Variants in AUTS2 observed in about 807,000 individuals in gnomAD.
AUTS2 encodes the protein activator of transcription and developmental regulator AUTS2.
Under a neutral mutation model 112.4 loss-of-function variants are expected in AUTS2, and 17 were observed. The ratio of observed to expected loss-of-function variants is 0.15; its 90% CI spans 0.10 to 0.23. AUTS2 has a LOEUF of 0.23. Among genes scored for constraint, AUTS2 ranks in the 10% least tolerant of loss-of-function variants. The pLI is 1.00. For synonymous variants in AUTS2, 751 were observed against 702.7 expected, an observed-to-expected ratio of 1.07 and a Z score of -1.09; for missense variants, 1,510 against 1,701.6, an observed-to-expected ratio of 0.89 and a Z score of 1.98.
intron 3 of AUTS2, chr7:70,120,423 T>C (rs966917016): frequency 2.8e-4 from 42 of 152,186 alleles, no homozygotes; most frequent in African/African-American, 9.7e-4. Flanking sequence ...TGTGTGTCCA[T>C]GTGTCTGATT....
At chr7:70,592,330 C>T (rs1318437066) in intron 5 of AUTS2, among the ~76,000 whole-genome samples, 1 of 151,994 alleles carries the variant, frequency 6.6e-6, no homozygotes, top group Non-Finnish European at 1.5e-5. Context: ...TTGTGTAATA[C>T]TGCTTTTTTG....
chr7:69,890,392 C>T (rs552350171), intron 1 of AUTS2, among the ~76,000 whole-genome samples: 1 of 152,190 alleles, frequency 6.6e-6, no homozygotes, highest in South Asian at 2.1e-4. Flanking sequence ...TTGACAGGTG[C>T]CTTTTATATG....
chr7:69,978,697 T>G (rs1251512700), intron 2 of AUTS2, among the ~76,000 whole-genome samples: 1 of 151,882 alleles, frequency 6.6e-6, no homozygotes, highest in Non-Finnish European at 1.5e-5. Flanking sequence ...AAATAAAAAT[T>G]TAGCTGGGTG....
chr7:70,062,043 C>T (rs1441187037), intron 2 of AUTS2, among the ~76,000 whole-genome samples: 1 of 152,006 alleles, frequency 6.6e-6, no homozygotes, highest in East Asian at 1.9e-4. Flanking sequence ...CCACCTCGGC[C>T]TCCCAAAGCG....
At chr7:70,624,975 T>C (rs567462809) in intron 5 of AUTS2, among the ~76,000 whole-genome samples, 1 of 152,232 alleles carries the variant, frequency 6.6e-6, no homozygotes, top group South Asian at 2.1e-4. Context: ...GCTCACCAGT[T>C]TCCTCCTCGG....
intron 1 of AUTS2, among the ~76,000 whole-genome samples, chr7:69,750,883 C>T (rs1406025091): frequency 6.6e-6 from 1 of 151,946 alleles, no homozygotes; most frequent in African/African-American, 2.4e-5. Flanking sequence ...GAAATGGAAA[C>T]CCCGTGCTTC....
chr7:70,462,307 G>A (rs1056392628), intron 5 of AUTS2, among the ~76,000 whole-genome samples: 2 of 151,952 alleles, frequency 1.3e-5, no homozygotes, highest in Admixed American at 6.6e-5. Flanking sequence ...GGTTGATTGG[G>A]GTTTTTCTTT....
At chr7:70,291,115 A>G (rs976891889) in intron 4 of AUTS2, 3 of 152,216 alleles carry the variant, frequency 2.0e-5, no homozygotes, top group African/African-American at 7.2e-5. Flanking sequence ...AATTAATTTT[A>G]TAACAGTTGA....
chr7:69,619,564 G>A (rs1004677699), intron 1 of AUTS2, among the ~76,000 whole-genome samples: 1 of 152,180 alleles, frequency 6.6e-6, no homozygotes, highest in East Asian at 1.9e-4. Context: ...AGAATGATCA[G>A]TTCTGTGTGG....
rs114016164 is a variant in AUTS2, at chr7:70,715,353, A to G, written c.742+16733A>G. Reference sequence around the variant, plus strand: ...ATTAGAAAGGTACTGCAAGAACAACATCGTCAAATGAGGTCATACACACTT... The same window carrying G: ...ATTAGAAAGGTACTGCAAGAACAACGTCGTCAAATGAGGTCATACACACTT... On this transcript the variant is annotated intron_variant, in intron 6 of 18. Transcript: ENST00000342771. Among the ~76,000 whole-genome samples, 409 of 152,302 alleles carry G rather than the reference A, an allele frequency of 2.7e-3. 4 individuals are homozygous for G. Among genetic ancestry groups the G allele is most frequent in the African/African-American group, 9.0e-3 (376 of 41,574 alleles).
At chr7:70,285,147 C>T (rs1788400059) in intron 4 of AUTS2, among the ~76,000 whole-genome samples, 1 of 152,022 alleles carries the variant, frequency 6.6e-6, no homozygotes, top group African/African-American at 2.4e-5. Flanking sequence ...CTATGAGCCT[C>T]TCTGCTGTCA....
intron 4 of AUTS2, among the ~76,000 whole-genome samples, chr7:70,398,352 C>T (rs1399559069): frequency 6.6e-6 from 1 of 152,114 alleles, no homozygotes; most frequent in Non-Finnish European, 1.5e-5. Context: ...AGAATTAATA[C>T]CTTATTGAGT....
intron 4 of AUTS2, among the ~76,000 whole-genome samples, chr7:70,367,875 G>C (rs1289389012): frequency 2.0e-5 from 3 of 152,180 alleles, no homozygotes; most frequent in African/African-American, 7.2e-5. Context: ...AGAATGATGA[G>C]AGTAGAGACT....
Position 70,768,034 on chromosome 7 carries a change from A to G in AUTS2, c.1700A>G (p.Tyr567Cys). ...TTGATCCCTTTACAGTTTGACAAAT[A>G]CCCTACAAAAGTTGACCCATTCTAC... is the stretch of plus-strand genomic sequence containing the variant. ...PTPAPPMFDK[Y>C]PTKVDPFYRH... Residue 567 changes from tyrosine (Y) to cysteine (C), a missense_variant, in exon 10 of 19, where the codon TAC (tyrosine) becomes TGC (cysteine). Physicochemically the swap from Tyr to Cys is radical, Grantham distance 194. Transcript: ENST00000342771. 1.2e-6 allele frequency: 2 copies of G among 1,609,284 alleles called. No individual in the cohort carries two copies. The highest frequency in any genetic ancestry group is 1.3e-5 in the African/African-American group (1 of 74,714).
At chr7:70,026,360 T>C (rs1056243165) in intron 2 of AUTS2, among the ~76,000 whole-genome samples, 2 of 152,194 alleles carry the variant, frequency 1.3e-5, no homozygotes, top group Non-Finnish European at 2.9e-5. Context: ...TGAAGTGGAA[T>C]TGGGCAGACA....
intron 5 of AUTS2, among the ~76,000 whole-genome samples, chr7:70,462,790 C>A (rs1419567852): frequency 6.6e-6 from 1 of 152,092 alleles, no homozygotes; most frequent in Non-Finnish European, 1.5e-5. Flanking sequence ...AACCCCCTCT[C>A]TGCTAAAAAT....
chr7:70,338,769 G>C (rs1434835185), intron 4 of AUTS2, among the ~76,000 whole-genome samples: 1 of 151,970 alleles, frequency 6.6e-6, no homozygotes. Flanking sequence ...TTTTGCTGCT[G>C]TTGTTGTTTT....
chr7:69,748,243 A>T (rs992345624), intron 1 of AUTS2, among the ~76,000 whole-genome samples: 1 of 152,186 alleles, frequency 6.6e-6, no homozygotes, highest in South Asian at 2.1e-4. Flanking sequence ...ACTTTCCTAG[A>T]TAAGGCATCT....
At chr7:70,247,031 A>T (rs1812961401) in intron 4 of AUTS2, among the ~76,000 whole-genome samples, 1 of 152,126 alleles carries the variant, frequency 6.6e-6, no homozygotes, top group Admixed American at 6.6e-5. Flanking sequence ...ACCCAAAATC[A>T]TTCATAGCAG....
Sources: gnomAD v4.1 joint callset for allele counts (sites outside exome capture counted in the v4.1 genomes callset) on GRCh38, gnomAD v4.1.1 for gene constraint, MANE v1.5 for transcripts, NCBI Gene and HGNC (gene_info 2026-07-23, HGNC 2026-07-21) for gene names.